The following EHMT1 variants were observed in gnomAD, a reference collection of about 807,000 sequenced individuals.
EHMT1 encodes the protein euchromatic histone lysine methyltransferase 1, also known as histone-lysine N-methyltransferase EHMT1.
EHMT1 carries 15 observed loss-of-function variants against 147.2 expected under a neutral mutation model. That is an observed-to-expected ratio of 0.10 (90% CI 0.07 to 0.16). The LOEUF (loss-of-function observed/expected upper bound fraction) is 0.16, where lower values mean the gene tolerates loss of function less well. Among genes scored for constraint, EHMT1 ranks in the 10% least tolerant of loss-of-function variants. The pLI is 1.00. For missense variants in EHMT1, 1,587 were observed against 1,772.4 expected, an observed-to-expected ratio of 0.90 and a Z score of 1.88; for synonymous variants, 795 against 709.6, an observed-to-expected ratio of 1.12 and a Z score of -1.91.
chr9:137,686,229 G>GTT (rs34234074), intron 1 of EHMT1, among the ~76,000 whole-genome samples: 6,218 of 152,020 alleles, frequency 0.041, 422 homozygotes, highest in African/African-American at 0.14. Flanking sequence ...CAATTTATCT[G>GTT]TTTTTTCTTT....
rs971078338 is a variant in EHMT1 at position 137,813,909 on chromosome 9, G to A, written c.3180+379G>A. The stretch of plus-strand genomic sequence containing the variant: ...TGGATCCCTGCACCTCCCAGCCCCC[G>A]GAGAGATGGGTCCAGCACATGCCAG... On this transcript the variant is annotated intron_variant, in intron 21 of 26. Coordinates refer to ENST00000460843, the MANE Select transcript of EHMT1 (RefSeq NM_024757.5). This position sits in a 1 kb window ranked among gnomAD's most constrained non-coding sequence, Gnocchi z 4.9. Among the ~76,000 whole-genome samples the A allele has an allele frequency of 9.9e-5, 15 of 152,086 alleles. No individual in the cohort carries two copies. In the South Asian group the frequency reaches 1.0e-3, roughly 11 times the overall value.
At chr9:137,676,415 G>C (rs1941322973) in intron 1 of EHMT1, 1 of 152,628 alleles carries the variant, frequency 6.6e-6, no homozygotes, top group Non-Finnish European at 1.5e-5. Context: ...GCCCAGGCTG[G>C]AGTGCAGTGG....
At chr9:137,826,464 CCCTGGTTCCTGGGG>C (rs1261191891) in intron 25 of EHMT1, among the ~76,000 whole-genome samples, 1 of 152,212 alleles carries the variant, frequency 6.6e-6, no homozygotes, top group Non-Finnish European at 1.5e-5. Flanking sequence ...CTCCAGGTGG[CCCTGGTTCCTGGGG>C]CCTGTCTCAG....
chr9:137,718,778 C>T (rs572918164), intron 3 of EHMT1, among the ~76,000 whole-genome samples: 11 of 141,284 alleles, frequency 7.8e-5, no homozygotes, highest in Non-Finnish European at 1.4e-4. Context: ...TTTTTTGAGA[C>T]GGAGTCTTGC....
In EHMT1 at chr9:137,834,163, ACACAGCGAGGAGAAGG is replaced by A. The variant is rs1412422296; in HGVS notation, c.3541-184_3541-169del. On this transcript the variant is annotated intron_variant, in intron 25 of 26. Coordinates refer to ENST00000460843, the MANE Select transcript of EHMT1 (RefSeq NM_024757.5). ...ACGGCAGGGTGCGGGGTGGGTGGCC[ACACAGCGAGGAGAAGG>A]CTGGCGGAGGCTCCGCACCGCCGCC... 8.3e-5 allele frequency: 62 copies of A among 751,098 alleles called. 1 individual carries two copies. In the Admixed American group the frequency reaches 1.6e-3, roughly 20 times the overall value. The allele number at this position is 751,098 out of a possible 1,614,324, so 46.5% of individuals were successfully genotyped here.
chr9:137,739,093 C>T (rs946889180), intron 4 of EHMT1, among the ~76,000 whole-genome samples: 16 of 151,354 alleles, frequency 1.1e-4, no homozygotes, highest in African/African-American at 3.4e-4. Context: ...AAAAACAGGC[C>T]GGGCGCGGTG....
chr9:137,658,362 G>C lies in EHMT1; in HGVS notation c.21+39313G>C, dbSNP rs558809517. ...GACGGGGTTTCACCATAGTGGCCTG[G>C]CTGGTGTCGAACGCCTGAGCTCAAG... On this transcript the variant is annotated intron_variant, in intron 1 of 26. Transcript: ENST00000460843. 2.0e-5 allele frequency among the ~76,000 whole-genome samples: 3 copies of C among 152,212 alleles called. No individual in the cohort carries two copies. The South Asian group carries it at 6.2e-4, about 32-fold the overall frequency.
chr9:137,696,546 TA>T lies in EHMT1; in HGVS notation c.22-14418del, dbSNP rs751676005. Among the ~76,000 whole-genome samples the T allele has an allele frequency of 5.3e-5, 8 of 152,306 alleles. 1 individual carries two copies. In the East Asian group the frequency reaches 1.5e-3, roughly 29 times the overall value. On this transcript the variant is annotated intron_variant, in intron 1 of 26. Coordinates refer to ENST00000460843, the MANE Select transcript of EHMT1 (RefSeq NM_024757.5). ...GTTGGTTGTTGTGAAATGACGTTTT[TA>T]AATGTTGATAGCGTGTAGGATAGTC...
chr9:137,711,779 T>TCCA (rs1944750996), intron 2 of EHMT1, among the ~76,000 whole-genome samples: 1 of 151,996 alleles, frequency 6.6e-6, no homozygotes, highest in Non-Finnish European at 1.5e-5. Context: ...TGTGCTGTGC[T>TCCA]CCACAGTGAA....
chr9:137,699,193 G>A (rs891312200), intron 1 of EHMT1, among the ~76,000 whole-genome samples: 2 of 152,214 alleles, frequency 1.3e-5, no homozygotes, highest in Non-Finnish European at 2.9e-5. Context: ...AATTTATACT[G>A]TAGGTATAAT....
intron 1 of EHMT1, among the ~76,000 whole-genome samples, chr9:137,674,403 G>A (rs1458334193): frequency 7.2e-5 from 11 of 152,160 alleles, no homozygotes; most frequent in African/African-American, 1.9e-4. Context: ...TCAGAATTCC[G>A]TCCCCTTTTC....
chr9:137,772,134 T>A (rs1044027559), intron 10 of EHMT1, among the ~76,000 whole-genome samples: 4 of 152,152 alleles, frequency 2.6e-5, no homozygotes, highest in African/African-American at 9.7e-5. Context: ...AAGTATGATT[T>A]GTTAGCAATG....
chr9:137,813,211 C>A lies in EHMT1; in HGVS notation c.3035+38C>A, dbSNP rs775231486. The A allele has an allele frequency of 2.5e-6, 4 of 1,600,724 alleles. No homozygotes were observed. The highest frequency in any genetic ancestry group is 3.4e-6 in the Non-Finnish European group (4 of 1,178,650). ...CCAGGACGGCTTTGTGGCAAATCAG[C>A]GGTCAGCAGGGCTTTGGGAACTTGC... On this transcript the variant is annotated intron_variant, in intron 20 of 26. Transcript: ENST00000460843. The surrounding 1 kb of genome is among the most constrained non-coding windows in gnomAD (Gnocchi z 4.9).
chr9:137,768,527 G>GTTT (rs1564725367), intron 10 of EHMT1, among the ~76,000 whole-genome samples: 8 of 28,150 alleles, frequency 2.8e-4, no homozygotes, highest in Non-Finnish European at 6.2e-4. Context: ...CTAATTTTTT[G>GTTT]TATTTTTTTT....
rs948758373 is a variant in EHMT1 at position 137,673,608 on chromosome 9, C to T, written c.22-37359C>T. Among the ~76,000 whole-genome samples, 32 of 152,284 alleles carry T rather than the reference C, an allele frequency of 2.1e-4. 1 individual carries two copies. The highest frequency in any genetic ancestry group is 7.7e-4 in the African/African-American group (32 of 41,570). The stretch of plus-strand genomic sequence containing the variant: ...CTCAGACCCGCACTCCCAGCCTGTG[C>T]TTTACACCAGACAACTCCTGGCGAA... On this transcript the variant is annotated intron_variant, in intron 1 of 26. Coordinates refer to ENST00000460843, the MANE Select transcript of EHMT1 (RefSeq NM_024757.5).
intron 1 of EHMT1, among the ~76,000 whole-genome samples, chr9:137,687,894 T>A (rs1285516065): frequency 6.6e-6 from 1 of 152,248 alleles, no homozygotes; most frequent in Admixed American, 6.5e-5. Context: ...CACGGTGTGG[T>A]CTCTGATCCT....
chr9:137,709,790 A>G (rs993353190), intron 1 of EHMT1, among the ~76,000 whole-genome samples: 1 of 151,870 alleles, frequency 6.6e-6, no homozygotes, highest in Admixed American at 6.6e-5. Flanking sequence ...CTGGTTGTGG[A>G]CTCGGAGCAC....
intron 2 of EHMT1, among the ~76,000 whole-genome samples, chr9:137,711,571 GGTTACCAGGA>G (rs796760745): frequency 3.3e-5 from 5 of 152,288 alleles, no homozygotes; most frequent in African/African-American, 1.2e-4. Flanking sequence ...GAACAGCAGT[GGTTACCAGGA>G]GGTGGAGGGA....
At chr9:137,693,383 G>A (rs998513168) in intron 1 of EHMT1, among the ~76,000 whole-genome samples, 4 of 152,076 alleles carry the variant, frequency 2.6e-5, no homozygotes, top group African/African-American at 7.2e-5. Context: ...TGCAGCCCCC[G>A]CATAGCCTGC....
Sources: allele counts gnomAD v4.1 joint callset (sites outside exome capture counted in the v4.1 genomes callset), GRCh38; gene constraint gnomAD v4.1.1; non-coding constraint Gnocchi (gnomAD v3.1); transcripts MANE v1.5; gene names NCBI Gene and HGNC (gene_info 2026-07-23, HGNC 2026-07-21).